PBX1: variants seen among roughly 807,000 people sequenced by gnomAD.
PBX1 encodes PBX homeobox 1.
PBX1 carries 6 observed loss-of-function variants against 53.4 expected under a neutral mutation model. The observed-to-expected ratio is 0.11, with a 90% CI of 0.06 to 0.22. The LOEUF (loss-of-function observed/expected upper bound fraction) is 0.22, where lower values mean the gene tolerates loss of function less well. Among genes scored for constraint, PBX1 ranks in the 10% least tolerant of loss-of-function variants. The pLI is 1.00. For synonymous variants in PBX1, 204 were observed against 212.3 expected (o/e 0.96, Z 0.34); for missense variants, 251 against 551.4 (o/e 0.46, Z 5.46).
At chr1:164,831,599 C>T (rs1319557043) in intron 8 of PBX1, 2 of 152,050 alleles carry the variant, frequency 1.3e-5, no homozygotes, top group Non-Finnish European at 2.9e-5. Flanking sequence ...GCGTGTTAGC[C>T]AGGATGGTCT....
chr1:164,848,555 A>C lies in PBX1; in HGVS notation c.*1879A>C. 1 of 1,059,652 alleles carries C rather than the reference A, an allele frequency of 9.4e-7. No individual in the cohort carries two copies. Among genetic ancestry groups the C allele is most frequent in the Non-Finnish European group, 1.1e-6 (1 of 875,798 alleles). 65.6% of individuals were successfully genotyped at this position (1,059,652 alleles called of 1,614,324 possible). A position where few individuals can be genotyped will look rare whatever the true frequency, so the allele number is the denominator to read the frequency against. ...TTAATATCAGTACCTTGATGTCATC[A>C]CCGTGATGACAAAGAGAAGAGTTAT... is the stretch of plus-strand genomic sequence containing the variant. On this transcript the variant is annotated 3_prime_UTR_variant, in exon 9 of 9. Transcript: ENST00000420696.
At chr1:164,793,667 T>C (rs1668633123) in intron 3 of PBX1, among the ~76,000 whole-genome samples, 1 of 152,144 alleles carries the variant, frequency 6.6e-6, no homozygotes. Flanking sequence ...GTAAGCATGC[T>C]ACTTTATCAG....
At chr1:164,853,897 T>G (rs1273113470), downstream of PBX1, among the ~76,000 whole-genome samples, 4 of 151,900 alleles carry the variant, frequency 2.6e-5, no homozygotes, top group African/African-American at 4.8e-5. Context: ...TAGATTAGAC[T>G]TCCACCAAAT....
At chr1:164,856,907 T>C (rs1671990207) in intron 2 of PBX1, among the ~76,000 whole-genome samples, 1 of 152,238 alleles carries the variant, frequency 6.6e-6, no homozygotes, top group South Asian at 2.1e-4. Context: ...GAGGAACACA[T>C]TGGTTGCTCA....
At chr1:164,735,587 A>G (rs1003753228) in intron 2 of PBX1, among the ~76,000 whole-genome samples, 7 of 152,230 alleles carry the variant, frequency 4.6e-5, no homozygotes, top group Non-Finnish European at 7.3e-5. Flanking sequence ...ATATTCATTT[A>G]GCTTTCAGAA....
At chr1:164,722,932 T>A (rs1170115426) in intron 2 of PBX1, among the ~76,000 whole-genome samples, 1 of 152,142 alleles carries the variant, frequency 6.6e-6, no homozygotes. Context: ...CTGTTAACAG[T>A]AAGCATGGAA....
chr1:164,650,872 C>T (rs1659764386), intron 2 of PBX1, among the ~76,000 whole-genome samples: 1 of 151,978 alleles, frequency 6.6e-6, no homozygotes, highest in South Asian at 2.1e-4. Flanking sequence ...ACCACCTCTG[C>T]TTCCCTTCTC....
intron 8 of PBX1, among the ~76,000 whole-genome samples, chr1:164,837,921 C>A (rs200001560): frequency 1.3e-5 from 2 of 152,176 alleles, no homozygotes; most frequent in East Asian, 3.9e-4. Flanking sequence ...CTAAAACCAC[C>A]CCGTGTCTCA....
chr1:164,808,413 C>G (rs928036965), intron 5 of PBX1, among the ~76,000 whole-genome samples: 2 of 152,174 alleles, frequency 1.3e-5, no homozygotes, highest in Admixed American at 1.3e-4. Context: ...TCAGTCTGAA[C>G]CTCAAATACC....
chr1:164,838,499 G>A (rs1307513952), intron 8 of PBX1, among the ~76,000 whole-genome samples: 1 of 152,156 alleles, frequency 6.6e-6, no homozygotes, highest in Non-Finnish European at 1.5e-5. Flanking sequence ...ATTCCCAAAG[G>A]TGAACTGAAG....
chr1:164,842,559 C>T (rs112469417), intron 8 of PBX1, among the ~76,000 whole-genome samples: 1 of 152,130 alleles, frequency 6.6e-6, no homozygotes, highest in Non-Finnish European at 1.5e-5. Context: ...ATGAGCTTCT[C>T]TCTTGGTGAG....
intron 2 of PBX1, among the ~76,000 whole-genome samples, chr1:164,634,385 G>C (rs551049523): frequency 2.0e-4 from 31 of 152,298 alleles, no homozygotes; most frequent in African/African-American, 7.2e-4. Flanking sequence ...ACAGGTAAGA[G>C]CTATGGAAAA....
intron 2 of PBX1, among the ~76,000 whole-genome samples, chr1:164,871,358 G>T (rs1305256217): frequency 6.6e-6 from 1 of 152,162 alleles, no homozygotes; most frequent in Admixed American, 6.5e-5. Context: ...ATTTTAATGG[G>T]CATATATTAC....
chr1:164,735,704 A>T (rs571939283), intron 2 of PBX1, among the ~76,000 whole-genome samples: 1 of 152,332 alleles, frequency 6.6e-6, no homozygotes, highest in South Asian at 2.1e-4. Context: ...TGAGGACCAC[A>T]TGACCATTAA....
At chr1:164,831,060 T>C (rs1014759609) in intron 8 of PBX1, among the ~76,000 whole-genome samples, 5 of 152,188 alleles carry the variant, frequency 3.3e-5, no homozygotes, top group African/African-American at 9.6e-5. Context: ...TTTAAAAAAT[T>C]TTCAAACATA....
intron 2 of PBX1, among the ~76,000 whole-genome samples, chr1:164,791,807 A>T (rs764081175): frequency 6.6e-6 from 1 of 152,160 alleles, no homozygotes; most frequent in South Asian, 2.1e-4. Flanking sequence ...TAAAATATAT[A>T]TAAGATAGAA....
intron 2 of PBX1, among the ~76,000 whole-genome samples, chr1:164,606,987 T>C (rs1448952846): frequency 6.6e-6 from 1 of 152,206 alleles, no homozygotes; most frequent in Non-Finnish European, 1.5e-5. Context: ...TTCTGGATAT[T>C]GCAGGATGCA....
intron 2 of PBX1, among the ~76,000 whole-genome samples, chr1:164,589,138 G>T (rs773535437): frequency 1.3e-5 from 2 of 152,124 alleles, no homozygotes; most frequent in African/African-American, 2.4e-5. Context: ...GAGGACCCAG[G>T]CGGGAGAGGG....
At chr1:164,698,956 T>G (rs1046286021) in intron 2 of PBX1, among the ~76,000 whole-genome samples, 1 of 152,130 alleles carries the variant, frequency 6.6e-6, no homozygotes, top group Non-Finnish European at 1.5e-5. Context: ...GCTTCCATGA[T>G]CTGGAACCAC....
Sources: gnomAD v4.1 joint callset for allele counts (sites outside exome capture counted in the v4.1 genomes callset) on GRCh38, gnomAD v4.1.1 for gene constraint, MANE v1.5 for transcripts, NCBI Gene and HGNC (gene_info 2026-07-23, HGNC 2026-07-21) for gene names.